The following EIF5A variants were observed in gnomAD, a reference collection of about 807,000 sequenced individuals.
EIF5A encodes the protein eukaryotic translation initiation factor 5A, also known as eukaryotic translation initiation factor 5A-1.
Under a neutral mutation model 16.6 loss-of-function variants are expected in EIF5A, and 1 was observed. The observed-to-expected ratio is 0.06, with a 90% CI of 0.02 to 0.28. The LOEUF (loss-of-function observed/expected upper bound fraction) is 0.28, where lower values mean the gene tolerates loss of function less well. Among genes scored for constraint, EIF5A ranks in the 10% least tolerant of loss-of-function variants. The pLI, the probability that EIF5A is intolerant of heterozygous loss-of-function variation, is 1.00. For missense variants in EIF5A, 29 were observed against 196.1 expected, an observed-to-expected ratio of 0.15 and a Z score of 5.09; for synonymous variants, 80 against 73.6, an observed-to-expected ratio of 1.09 and a Z score of -0.44.
At chr17:7,308,225 G>T in intron 1 of EIF5A, 2 of 1,025,104 alleles carry the variant, frequency 2.0e-6, no homozygotes, top group Non-Finnish European at 2.4e-6. Context: ...GGAGGGGGCG[G>T]CCGCGGCACC....
At chr17:7,308,273 A>G in intron 1 of EIF5A, 1 of 1,059,722 alleles carries the variant, frequency 9.4e-7, no homozygotes, top group Non-Finnish European at 1.2e-6. Flanking sequence ...TCGGGGTCGC[A>G]GGCCGCATGG....
intron 5 of EIF5A, 42 bp from the exon 6 acceptor site, chr17:7,311,780 G>C: frequency 8.1e-7 from 1 of 1,238,002 alleles, no homozygotes; most frequent in South Asian, 1.4e-5. Flanking sequence ...CCTTCCTGTT[G>C]AAGGTATTAT....
chr17:7,311,397 G>A lies in EIF5A; in HGVS notation c.318G>A (p.Gly106=). 1.2e-6 allele frequency: 2 copies of A among 1,614,144 alleles called. No homozygotes were observed. The highest frequency in any genetic ancestry group is 1.7e-6 in the Non-Finnish European group (2 of 1,180,038). The stretch of plus-strand genomic sequence containing the variant: ...ACCTATCACTGCTCCAGGACAGCGG[G>A]GAGGTACGAGAGGACCTTCGTCTCC... ...DGYLSLLQDS[G]EVREDLRLPE... Residue 106 remains glycine (G), a synonymous_variant, in exon 4 of 6, where the codon GGG becomes GGA. Transcript: ENST00000336458.
chr17:7,310,453 T>C (rs2072786226), intron 2 of EIF5A: 1 of 1,176,026 alleles, frequency 8.5e-7, no homozygotes, highest in Non-Finnish European at 1.1e-6. Context: ...GAATTTCTTG[T>C]GGTGTTTTTC....
At chr17:7,307,086 C>G (rs762344886), upstream of EIF5A, 11 of 1,603,330 alleles carry the variant, frequency 6.9e-6, no homozygotes, top group Non-Finnish European at 9.4e-6. Flanking sequence ...GACAAGGCGC[C>G]CACCCCACAG....
chr17:7,311,884 T>G lies in EIF5A; in HGVS notation c.*74T>G, dbSNP rs536984360. 1.6e-6 allele frequency: 1 copy of G among 636,488 alleles called. No individual in the cohort carries two copies. Among genetic ancestry groups the G allele is most frequent in the South Asian group, 2.0e-5 (1 of 50,850 alleles). The allele number at this position is 636,488 out of a possible 1,614,324, so 39.4% of individuals were successfully genotyped here. A position where few individuals can be genotyped will look rare whatever the true frequency, so the allele number is the denominator to read the frequency against. On this transcript the variant is annotated 3_prime_UTR_variant, in exon 6 of 6. Transcript: ENST00000336458. ...AGAGGCCCCCTCCCCGAGCCTGGCC[T>G]GGCTCTGGCCCGGTCCTAAGCTGGA...
In EIF5A at chr17:7,309,625, A is replaced by G. The variant is rs746429767; in HGVS notation, c.-11A>G. On this transcript the variant is annotated 5_prime_UTR_variant, in exon 2 of 6. Transcript: ENST00000336458. ...TCTTCTTGGCTCTAGTTGGAATCGA[A>G]GCCTCTTAAAATGGCAGATGACTTG... The G allele has an allele frequency of 1.0e-4, 162 of 1,614,174 alleles. 1 individual carries two copies. The East Asian group carries it at 2.2e-3, about 22-fold the overall frequency.
intron 1 of EIF5A, chr17:7,308,045 G>A (rs1007510591): frequency 1.0e-6 from 1 of 986,258 alleles, no homozygotes; most frequent in African/African-American, 1.8e-5. Context: ...GAGGGCCAGG[G>A]GCCAGATCGG....
At position 7,308,376 on chromosome 17, in the gene EIF5A, AGCCG is replaced by A. The variant is rs576225039; in HGVS notation, c.-22+627_-22+630del. On this transcript the variant is annotated intron_variant, in intron 1 of 5. Coordinates refer to ENST00000336458, the MANE Select transcript of EIF5A (RefSeq NM_001970.5). ...CCGGAACGGCCACATGGTCGGCAGG[AGCCG>A]GCAGCCCCTAGCGCGGGGAGCTAGT... 6.1e-5 allele frequency: 73 copies of A among 1,194,964 alleles called. 1 individual carries two copies. The South Asian group carries it at 1.1e-3, about 17-fold the overall frequency. The allele number at this position is 1,194,964 out of a possible 1,614,324, so 74.0% of individuals were successfully genotyped here.
At position 7,307,699 on chromosome 17, in the gene EIF5A, C is replaced by G; in HGVS notation, c.-75C>G. 12 of 1,048,774 alleles carry G rather than the reference C, an allele frequency of 1.1e-5. No homozygotes were observed. Among genetic ancestry groups the G allele is most frequent in the Non-Finnish European group, 1.4e-5 (12 of 871,580 alleles). 65.0% of individuals were successfully genotyped at this position (1,048,774 alleles called of 1,614,324 possible). ...GCGGCGGCGGCAGCGGGCTCGGAGG[C>G]AGCGGTTGGGCTCGCGGCGAGCGGA... On this transcript the variant is annotated 5_prime_UTR_variant, in exon 1 of 6. Transcript: ENST00000336458.
chr17:7,308,319 AC>A, intron 1 of EIF5A: 1 of 1,152,594 alleles, frequency 8.7e-7, no homozygotes, highest in African/African-American at 1.7e-5. Flanking sequence ...CAGCGCGGGG[AC>A]CCCTCCCCCC....
chr17:7,310,654 T>C (rs909609535), intron 2 of EIF5A: 13 of 985,294 alleles, frequency 1.3e-5, no homozygotes, highest in Non-Finnish European at 2.4e-6. Flanking sequence ...ACCTTCCTTA[T>C]TCCCCAGTTT....
intron 1 of EIF5A, chr17:7,308,416 G>A (rs1373699876): frequency 7.8e-7 from 1 of 1,288,414 alleles, no homozygotes; most frequent in African/African-American, 1.5e-5. Context: ...CCTCGCGGGG[G>A]TTCCGAGGGG....
In EIF5A at chr17:7,310,434, G is replaced by C. The variant is rs888203883; in HGVS notation, c.166-584G>C. The C allele has an allele frequency of 1.2e-5, 14 of 1,176,336 alleles. No homozygotes were observed. In the East Asian group the frequency reaches 1.9e-4, roughly 16 times the overall value. 72.9% of individuals were successfully genotyped at this position (1,176,336 alleles called of 1,614,324 possible). A position where few individuals can be genotyped will look rare whatever the true frequency, so the allele number is the denominator to read the frequency against. ...TCTCTTTAGAATTTCAACCTGATTC[G>C]TTCTTGTTGAATTTCTTGTGGTGTT... On this transcript the variant is annotated intron_variant, in intron 2 of 5. Transcript: ENST00000336458.
rs942984279 is a variant in EIF5A, at chr17:7,307,696, A to T, written c.-78A>T. On this transcript the variant is annotated 5_prime_UTR_variant, in exon 1 of 6. Transcript: ENST00000336458. ...GCGGCGGCGGCGGCAGCGGGCTCGG[A>T]GGCAGCGGTTGGGCTCGCGGCGAGC... 1.6e-4 allele frequency: 169 copies of T among 1,047,018 alleles called. No individual in the cohort carries two copies. The highest frequency in any genetic ancestry group is 1.9e-4 in the Non-Finnish European group (167 of 870,300). 64.9% of individuals were successfully genotyped at this position (1,047,018 alleles called of 1,614,324 possible). A position where few individuals can be genotyped will look rare whatever the true frequency, so the allele number is the denominator to read the frequency against.
rs746123607 is a variant in EIF5A, at chr17:7,311,305, T to G, written c.271-45T>G. The G allele has an allele frequency of 2.8e-5, 45 of 1,613,466 alleles. No homozygotes were observed. In the East Asian group the frequency reaches 1.0e-3, roughly 36 times the overall value. On this transcript the variant is annotated intron_variant, in intron 3 of 5. Transcript: ENST00000336458. The stretch of plus-strand genomic sequence containing the variant: ...CAGAGCCTTTACTGTCATGTCAGCC[T>G]CCCTGGGCCTACTACCTTCAGCCTC...
At position 7,309,188 on chromosome 17, in the gene EIF5A, C is replaced by T. The variant is rs182312050; in HGVS notation, c.-21-427C>T. On this transcript the variant is annotated intron_variant, in intron 1 of 5. Transcript: ENST00000336458. ...TGTCCTCCGGTCTCCACCCTCCCCC[C>T]CCCCAATTAGCCCTGCCCTTTTGCT... Among the ~76,000 whole-genome samples, 4 of 151,968 alleles carry T rather than the reference C, an allele frequency of 2.6e-5. No individual in the cohort carries two copies. In the East Asian group the frequency reaches 7.7e-4, roughly 29 times the overall value.
At chr17:7,307,230 G>A (rs140555450), upstream of EIF5A, 2 of 1,302,680 alleles carry the variant, frequency 1.5e-6, no homozygotes, top group African/African-American at 1.5e-5. Context: ...CGTACTGACG[G>A]CGTCTGAGGT....
intron 2 of EIF5A, chr17:7,310,722 C>T (rs767644344): frequency 4.4e-5 from 43 of 985,308 alleles, no homozygotes; most frequent in Non-Finnish European, 5.1e-5. Context: ...CAGACTCCTC[C>T]CACTCCCCTA....
Sources: allele counts gnomAD v4.1 joint callset (sites outside exome capture counted in the v4.1 genomes callset), GRCh38; gene constraint gnomAD v4.1.1; transcripts MANE v1.5; gene names NCBI Gene and HGNC (gene_info 2026-07-23, HGNC 2026-07-21).